Variants in MPP4 observed in about 807,000 individuals in gnomAD.
The protein encoded by MPP4 is MAGUK p55 scaffold protein 4.
In MPP4, 91 loss-of-function variants were observed where a neutral mutation model predicts 98.3. That is an observed-to-expected ratio of 0.93 (90% CI 0.78 to 1.10). The LOEUF is 1.10. Among genes scored for constraint, MPP4 ranks in the 50% least tolerant of loss-of-function variants. MPP4 has a pLI of 0.00. For missense variants in MPP4, 744 were observed against 792.9 expected (o/e 0.94, Z 0.74); for synonymous variants, 261 against 271.8 (o/e 0.96, Z 0.39).
intron 15 of MPP4, among the ~76,000 whole-genome samples, chr2:201,659,248 C>G (rs1012065168): frequency 6.6e-6 from 1 of 151,982 alleles, no homozygotes; most frequent in Middle Eastern, 3.2e-3. Flanking sequence ...TAATTAATCT[C>G]TTTGCTAGAT....
At position 201,658,502 on chromosome 2, in the gene MPP4, A is replaced by T; in HGVS notation, c.1104T>A (p.Val368=). Residue 368 remains valine, a synonymous_variant, in exon 16 of 22, where the codon GTT becomes GTA. Transcript: ENST00000409474. ...CTATAAAGAACTTCTGACCGTAGCCAACAAACTCCTCCTTGTCTGAAACAC... is the reference window on the plus strand; with the variant it reads ...CTATAAAGAACTTCTGACCGTAGCCTACAAACTCCTCCTTGTCTGAAACAC... ...EELSEDKEEF[V]GYGQKFFIAG... 6.2e-7 allele frequency: 1 copy of T among 1,613,340 alleles called. No individual in the cohort carries two copies. Among genetic ancestry groups the T allele is most frequent in the Non-Finnish European group, 8.5e-7 (1 of 1,179,668 alleles).
intron 1 of MPP4, among the ~76,000 whole-genome samples, chr2:201,697,048 A>T (rs1215858649): frequency 6.6e-6 from 1 of 152,156 alleles, no homozygotes; most frequent in African/African-American, 2.4e-5. Flanking sequence ...CATGAGGTAG[A>T]GGCCTCAAGA....
intron 17 of MPP4, among the ~76,000 whole-genome samples, chr2:201,655,429 A>G (rs1687822342): frequency 6.6e-6 from 1 of 152,248 alleles, no homozygotes. Flanking sequence ...GCACATGCTT[A>G]GAAGGATACT....
intron 3 of MPP4, 66 bp from the exon 4 acceptor site, chr2:201,690,345 ACT>A (rs1299316298): frequency 1.8e-6 from 2 of 1,104,780 alleles, no homozygotes; most frequent in Non-Finnish European, 2.7e-6. Context: ...TGGATTTAAG[ACT>A]CTCAAAGAGA....
chr2:201,679,520 C>T (rs1157784105), intron 10 of MPP4, among the ~76,000 whole-genome samples: 3 of 152,132 alleles, frequency 2.0e-5, no homozygotes, highest in Non-Finnish European at 2.9e-5. Flanking sequence ...CCATATGCTC[C>T]ACCCTCAGCT....
chr2:201,650,321 T>C (rs1487610878), intron 18 of MPP4, 156 bp from the exon 19 acceptor site: 1 of 985,338 alleles, frequency 1.0e-6, no homozygotes, highest in Non-Finnish European at 1.2e-6. Flanking sequence ...GAATTGGTGA[T>C]AAGTTCTCGT....
At chr2:201,659,898 CT>C (rs1574607136) in intron 15 of MPP4, among the ~76,000 whole-genome samples, 1 of 151,932 alleles carries the variant, frequency 6.6e-6, no homozygotes, top group African/African-American at 2.4e-5. Context: ...CATATGCAAC[CT>C]TTTTTCTTAA....
Position 201,694,189 on chromosome 2 carries a change from C to T in MPP4, c.-100-135G>A, listed in dbSNP as rs149770052. On this transcript the variant is annotated intron_variant, in intron 1 of 21. Transcript: ENST00000409474. ...ATCACCAGTGGCGTGAAAGAGAAAA[C>T]GACTATTGCATAAAATGCTCCCCCT... 4,622 of 787,026 alleles carry T rather than the reference C, an allele frequency of 5.9e-3. 20 individuals are homozygous for T. The highest frequency in any genetic ancestry group is 0.011 in the Middle Eastern group (28 of 2,464). 48.8% of individuals were successfully genotyped at this position (787,026 alleles called of 1,614,324 possible). A position where few individuals can be genotyped will look rare whatever the true frequency, so the allele number is the denominator to read the frequency against.
chr2:201,664,860 T>A (rs1688127096), intron 13 of MPP4, among the ~76,000 whole-genome samples: 1 of 152,120 alleles, frequency 6.6e-6, no homozygotes, highest in African/African-American at 2.4e-5. Flanking sequence ...TGTATAAGTA[T>A]ACAATAACCA....
In MPP4 at chr2:201,682,926, C is replaced by T; in HGVS notation, c.575-10G>A. 1.2e-6 allele frequency: 2 copies of T among 1,609,800 alleles called. No individual in the cohort carries two copies. The highest frequency in any genetic ancestry group is 1.7e-6 in the Non-Finnish European group (2 of 1,177,106). ...CCAGCATATAGCAACCCTAGGCAGA[C>T]AGTAACAAAAAACAAAGAAAGATAC... On this transcript the variant is annotated splice_polypyrimidine_tract_variant and intron_variant, in intron 7 of 21. Transcript: ENST00000409474.
intron 11 of MPP4, among the ~76,000 whole-genome samples, chr2:201,674,735 A>T (rs1472492102): frequency 6.6e-6 from 1 of 152,194 alleles, no homozygotes; most frequent in African/African-American, 2.4e-5. Flanking sequence ...GTGGAAGGAG[A>T]GGAGCCTGAA....
rs1326667818 is a variant in MPP4, at chr2:201,674,311, A to C, written c.994+896T>G. Among the ~76,000 whole-genome samples, 3 of 152,362 alleles carry C rather than the reference A, an allele frequency of 2.0e-5. No homozygotes were observed. The East Asian group carries it at 5.8e-4, about 29-fold the overall frequency. On this transcript the variant is annotated intron_variant, in intron 11 of 21. Transcript: ENST00000409474. Reference sequence around the variant, plus strand: ...GATGTCTTCAGGTGTCACCAAGATAAGAACATATGCATTTTCATAAACTGA... The same window carrying C: ...GATGTCTTCAGGTGTCACCAAGATACGAACATATGCATTTTCATAAACTGA...
chr2:201,678,962 C>A (rs1357188453), intron 10 of MPP4, among the ~76,000 whole-genome samples: 1 of 152,118 alleles, frequency 6.6e-6, no homozygotes, highest in Non-Finnish European at 1.5e-5. Flanking sequence ...TTTCCAATAA[C>A]CTTTCCCTCA....
At position 201,645,081 on chromosome 2, in the gene MPP4, A is replaced by G; in HGVS notation, c.*129T>C. 1.2e-6 allele frequency: 1 copy of G among 818,832 alleles called. No individual in the cohort carries two copies. The highest frequency in any genetic ancestry group is 1.7e-6 in the Non-Finnish European group (1 of 588,332). 50.7% of individuals were successfully genotyped at this position (818,832 alleles called of 1,614,324 possible). On this transcript the variant is annotated 3_prime_UTR_variant, in exon 22 of 22. Coordinates refer to ENST00000409474, the MANE Select transcript of MPP4 (RefSeq NM_033066.3). ...ATAAAAATTTTTTTCAAATAAGATTAATTAATAAATTGCTGCACTTTTAAA... is the reference window on the plus strand; with the variant it reads ...ATAAAAATTTTTTTCAAATAAGATTGATTAATAAATTGCTGCACTTTTAAA...
chr2:201,651,558 T>C, intron 18 of MPP4: 1 of 985,178 alleles, frequency 1.0e-6, no homozygotes, highest in Non-Finnish European at 1.2e-6. Context: ...AAGCAAAATA[T>C]GAGCAGTATT....
intron 9 of MPP4, 105 bp from the exon 10 acceptor site, chr2:201,681,139 TC>T: frequency 8.8e-7 from 1 of 1,132,380 alleles, no homozygotes; most frequent in Admixed American, 2.3e-5. Context: ...CTCCCACTCC[TC>T]CACCTGCTAC....
chr2:201,664,484 G>C, intron 13 of MPP4: 1 of 644,292 alleles, frequency 1.6e-6, no homozygotes, highest in South Asian at 2.0e-5. Context: ...ATGTAGGAGG[G>C]GTGCACCCTG....
chr2:201,697,802 C>T, intron 1 of MPP4: 1 of 465,800 alleles, frequency 2.1e-6, no homozygotes, highest in Non-Finnish European at 2.8e-6. Context: ...CTTTGTTTTA[C>T]AGATAAGGAA....
At chr2:201,694,360 G>C (rs901585417) in intron 1 of MPP4, among the ~76,000 whole-genome samples, 3 of 151,898 alleles carry the variant, frequency 2.0e-5, no homozygotes, top group Non-Finnish European at 4.4e-5. Flanking sequence ...CCCATCATTA[G>C]AGCTCAGAAA....
Sources: allele counts gnomAD v4.1 joint callset (sites outside exome capture counted in the v4.1 genomes callset), GRCh38; gene constraint gnomAD v4.1.1; transcripts MANE v1.5; gene names NCBI Gene and HGNC (gene_info 2026-07-23, HGNC 2026-07-21).